The following USP3 variants were observed in gnomAD, a reference collection of about 807,000 sequenced individuals.
USP3 encodes ubiquitin specific peptidase 3.
Under a neutral mutation model 72.3 loss-of-function variants are expected in USP3, and 20 were observed. The ratio of observed to expected loss-of-function variants is 0.28; its 90% CI spans 0.19 to 0.40. The LOEUF (loss-of-function observed/expected upper bound fraction) is 0.40, where lower values mean the gene tolerates loss of function less well. USP3 is among the 10% of genes least tolerant of loss of function. The pLI, the probability that USP3 is intolerant of heterozygous loss-of-function variation, is 1.00. For missense variants in USP3, 479 were observed against 633.9 expected, an observed-to-expected ratio of 0.76 and a Z score of 2.62; for synonymous variants, 222 against 225.3, an observed-to-expected ratio of 0.99 and a Z score of 0.13.
chr15:63,551,924 G>T (rs1000560117), intron 3 of USP3: 1 of 152,136 alleles, frequency 6.6e-6, no homozygotes, highest in South Asian at 2.1e-4. Flanking sequence ...TTTAACAAAC[G>T]TAATTTTATG....
At chr15:63,538,514 A>T (rs1454056980) in intron 3 of USP3, among the ~76,000 whole-genome samples, 1 of 152,010 alleles carries the variant, frequency 6.6e-6, no homozygotes, top group Non-Finnish European at 1.5e-5. Context: ...CATCAAAAGG[A>T]AGAAGAAAGG....
chr15:63,583,764 T>C lies in USP3; in HGVS notation c.1097-4541T>C, dbSNP rs142109095. Among the ~76,000 whole-genome samples the C allele has an allele frequency of 1.3e-4, 20 of 152,328 alleles. No homozygotes were observed. In the East Asian group the frequency reaches 2.9e-3, roughly 22 times the overall value. Reference sequence around the variant, plus strand: ...TTTGTGATTGGCTTAACTTAGTGTATATTCAGGGGTCATCCATGTTGTAAG... The same window carrying C: ...TTTGTGATTGGCTTAACTTAGTGTACATTCAGGGGTCATCCATGTTGTAAG... On this transcript the variant is annotated intron_variant, in intron 11 of 14. Coordinates refer to ENST00000380324, the MANE Select transcript of USP3 (RefSeq NM_006537.4).
chr15:63,545,697 C>T (rs142293488), intron 3 of USP3, among the ~76,000 whole-genome samples: 1 of 151,928 alleles, frequency 6.6e-6, no homozygotes. Context: ...AGGCCAGGCA[C>T]GGTAGCTCAC....
intron 2 of USP3, chr15:63,533,768 C>T (rs1260942839): frequency 1.0e-6 from 1 of 958,888 alleles, no homozygotes; most frequent in South Asian, 1.5e-5. Flanking sequence ...AACTGCATTT[C>T]TTAATTGTGG....
intron 2 of USP3, 87 bp from the exon 3 acceptor site, chr15:63,536,933 TTTTGA>T: frequency 7.5e-7 from 1 of 1,337,816 alleles, no homozygotes; most frequent in Non-Finnish European, 1.0e-6. Context: ...GATTTCTTTA[TTTTGA>T]TTTGATTAAT....
chr15:63,511,788 T>C (rs905580982), intron 1 of USP3, among the ~76,000 whole-genome samples: 5 of 152,144 alleles, frequency 3.3e-5, no homozygotes, highest in African/African-American at 9.7e-5. Context: ...TCTTAAGGTA[T>C]AGAATTTTGC....
At chr15:63,573,811 G>GT (rs1408882921) in intron 9 of USP3, among the ~76,000 whole-genome samples, 20 of 152,196 alleles carry the variant, frequency 1.3e-4, no homozygotes, top group Non-Finnish European at 2.9e-5. Context: ...CTTGGGGAAA[G>GT]TAGTGGGATT....
intron 3 of USP3, among the ~76,000 whole-genome samples, chr15:63,549,794 G>A (rs1278204218): frequency 6.6e-6 from 1 of 152,046 alleles, no homozygotes; most frequent in Non-Finnish European, 1.5e-5. Flanking sequence ...ATCTATTCCT[G>A]GTTTACTCTT....
intron 1 of USP3, among the ~76,000 whole-genome samples, chr15:63,508,711 G>T (rs904122820): frequency 6.6e-6 from 1 of 152,126 alleles, no homozygotes; most frequent in African/African-American, 2.4e-5. Flanking sequence ...TTAAAAAGAT[G>T]CCCTGAATGC....
rs1204894642 is a variant in USP3, at chr15:63,593,096, A to G, written c.*2270A>G. 1 of 152,256 alleles carries G rather than the reference A, an allele frequency of 6.6e-6. No homozygotes were observed. The highest frequency in any genetic ancestry group is 1.5e-5 in the Non-Finnish European group (1 of 68,044). 9.4% of individuals were successfully genotyped at this position (152,256 alleles called of 1,614,324 possible). ...AATGCTGGTCTAAATTTTCACTCCA[A>G]AGAATAAAACTTTGCCATCATGTTT... On this transcript the variant is annotated 3_prime_UTR_variant, in exon 15 of 15. Transcript: ENST00000380324.
At chr15:63,542,456 A>G (rs1413460798) in intron 3 of USP3, among the ~76,000 whole-genome samples, 5 of 152,168 alleles carry the variant, frequency 3.3e-5, no homozygotes, top group South Asian at 2.1e-4. Flanking sequence ...AGCCAATTTT[A>G]CTAAATAAAA....
intron 1 of USP3, among the ~76,000 whole-genome samples, chr15:63,522,268 G>A (rs999767677): frequency 6.6e-6 from 1 of 152,212 alleles, no homozygotes; most frequent in East Asian, 1.9e-4. Flanking sequence ...AGATAACCAC[G>A]TAAAAGGTTG....
intron 11 of USP3, among the ~76,000 whole-genome samples, chr15:63,578,704 T>C (rs958423443): frequency 6.6e-6 from 1 of 151,990 alleles, no homozygotes; most frequent in African/African-American, 2.4e-5. Context: ...TAGTTAATGG[T>C]GAAGCACTGA....
Position 63,529,244 on chromosome 15 carries a change from G to T in USP3, c.92-3403G>T, listed in dbSNP as rs74916941. ...CAGTCCATAGTCACTTGTTTCCAAT[G>T]ATTTTGGAAGTCAGTACTTTATTCC... On this transcript the variant is annotated intron_variant, in intron 1 of 14. Transcript: ENST00000380324. The surrounding 1 kb of genome is among the most constrained non-coding windows in gnomAD (Gnocchi z 4.2). The T allele has an allele frequency of 2.7e-3, 1,084 of 407,160 alleles. 15 individuals are homozygous for T. The highest frequency in any genetic ancestry group is 0.021 in the African/African-American group (1,005 of 46,920). 25.2% of individuals were successfully genotyped at this position (407,160 alleles called of 1,614,324 possible).
At position 63,559,898 on chromosome 15, in the gene USP3, C is replaced by T. The variant is rs2066576504; in HGVS notation, c.575C>T (p.Ala192Val). The T allele has an allele frequency of 2.5e-6, 4 of 1,613,854 alleles. No individual in the cohort carries two copies. The highest frequency in any genetic ancestry group is 2.5e-6 in the Non-Finnish European group (3 of 1,179,974). ...QFCCYFKELP[A>V]VELRNGKTAG... Reference sequence around the variant, plus strand: ...TGCTGTTATTTCAAAGAACTGCCCGCCGTGGAGTTAAGGAATGGGAAAACA... The same window carrying T: ...TGCTGTTATTTCAAAGAACTGCCCGTCGTGGAGTTAAGGAATGGGAAAACA... Residue 192 changes from alanine to valine, a missense_variant, in exon 7 of 15, where the codon GCC becomes GTC. Ala to Val is a moderately conservative substitution (Grantham distance 64). Coordinates refer to ENST00000380324, the MANE Select transcript of USP3 (RefSeq NM_006537.4).
In USP3 at chr15:63,566,368, G is replaced by A. The variant is rs59522029; in HGVS notation, c.761+3360G>A. Reference sequence around the variant, plus strand: ...TTTGTAGCCGAGACTGGAGTGCAGTGGCATGATCTGGGCTCACTGCAGGAT... The same window carrying A: ...TTTGTAGCCGAGACTGGAGTGCAGTAGCATGATCTGGGCTCACTGCAGGAT... On this transcript the variant is annotated intron_variant, in intron 8 of 14. Coordinates refer to ENST00000380324, the MANE Select transcript of USP3 (RefSeq NM_006537.4). Among the ~76,000 whole-genome samples the A allele has an allele frequency of 7.4e-3, 1,117 of 151,524 alleles. 7 individuals are homozygous for A. The highest frequency in any genetic ancestry group is 0.026 in the African/African-American group (1,085 of 41,244).
chr15:63,534,112 G>T (rs769687688), intron 2 of USP3, among the ~76,000 whole-genome samples: 3 of 152,160 alleles, frequency 2.0e-5, no homozygotes, highest in Admixed American at 2.0e-4. Context: ...AGCCTCTGCA[G>T]GTGGACTGTT....
chr15:63,556,395 G>C (rs1314603301), intron 4 of USP3: 3 of 300,460 alleles, frequency 1.0e-5, no homozygotes, highest in Non-Finnish European at 1.9e-5. Flanking sequence ...TGTGAGAGTG[G>C]TGGTGGGGAG....
chr15:63,555,020 G>A (rs1215038233), intron 4 of USP3, among the ~76,000 whole-genome samples: 1 of 152,170 alleles, frequency 6.6e-6, no homozygotes, highest in Non-Finnish European at 1.5e-5. Context: ...GTGTGGTGAT[G>A]TCCTTCACCC....
Sources: allele counts gnomAD v4.1 joint callset (sites outside exome capture counted in the v4.1 genomes callset), GRCh38; gene constraint gnomAD v4.1.1; non-coding constraint Gnocchi (gnomAD v3.1); transcripts MANE v1.5; gene names NCBI Gene and HGNC (gene_info 2026-07-23, HGNC 2026-07-21).